KCNIP1: variants seen among roughly 807,000 people sequenced by gnomAD.
KCNIP1 encodes A-type potassium channel modulatory protein KCNIP1.
KCNIP1 carries 18 observed loss-of-function variants against 33.0 expected under a neutral mutation model. The ratio of observed to expected loss-of-function variants is 0.55; its 90% confidence interval spans 0.38 to 0.81. The LOEUF (loss-of-function observed/expected upper bound fraction) is 0.81, where lower values mean the gene tolerates loss of function less well. Among genes scored for constraint, KCNIP1 ranks in the 30% least tolerant of loss-of-function variants. KCNIP1 has a pLI of 0.00. For missense variants in KCNIP1, 238 were observed against 271.6 expected, an observed-to-expected ratio of 0.88 and a Z score of 0.87; for synonymous variants, 93 against 98.3, an observed-to-expected ratio of 0.95 and a Z score of 0.32.
chr5:170,454,867 G>A (rs1286637926), intron 1 of KCNIP1, among the ~76,000 whole-genome samples: 1 of 151,856 alleles, frequency 6.6e-6, no homozygotes, highest in Non-Finnish European at 1.5e-5. Context: ...GTTCAATGAA[G>A]GTTAAAAAAA....
At chr5:170,671,909 A>G (rs575280214) in intron 1 of KCNIP1, among the ~76,000 whole-genome samples, 2 of 152,334 alleles carry the variant, frequency 1.3e-5, no homozygotes, top group East Asian at 3.9e-4. Flanking sequence ...CAAGCAGTTC[A>G]CAATGTAACA....
At chr5:170,615,942 T>C (rs1389327400) in intron 1 of KCNIP1, among the ~76,000 whole-genome samples, 1 of 152,138 alleles carries the variant, frequency 6.6e-6, no homozygotes. Context: ...TTATTTTTCC[T>C]CCAGAAAGGC....
At chr5:170,372,684 G>C (rs1763877492) in intron 1 of KCNIP1, among the ~76,000 whole-genome samples, 1 of 152,176 alleles carries the variant, frequency 6.6e-6, no homozygotes. Context: ...AAGTGGAGAA[G>C]CACTAGATGA....
Position 170,366,341 on chromosome 5 carries a change from G to A in KCNIP1, c.88+12377G>A, listed in dbSNP as rs115372470. ...GGAGGAGGCCTCAGACCTGGATGTC[G>A]TGGCAGTCACTGCACCCTGGGTCAG... On this transcript the variant is annotated intron_variant, in intron 1 of 7. Coordinates refer to the KCNIP1 transcript ENST00000377360. Among the ~76,000 whole-genome samples the A allele has an allele frequency of 5.6e-3, 860 of 152,328 alleles. 6 individuals are homozygous for A. Among genetic ancestry groups the A allele is most frequent in the African/African-American group, 0.019 (802 of 41,572 alleles).
At chr5:170,564,568 T>G (rs1229199752) in intron 1 of KCNIP1, among the ~76,000 whole-genome samples, 1 of 152,134 alleles carries the variant, frequency 6.6e-6, no homozygotes, top group East Asian at 1.9e-4. Flanking sequence ...TGAACCACAC[T>G]TTCTCCAGGG....
intron 1 of KCNIP1, among the ~76,000 whole-genome samples, chr5:170,677,150 G>A (rs1490553574): frequency 2.0e-5 from 3 of 152,078 alleles, no homozygotes; most frequent in Admixed American, 1.3e-4. Flanking sequence ...TTCTTTCTAT[G>A]CATAATTACT....
intron 1 of KCNIP1, among the ~76,000 whole-genome samples, chr5:170,561,933 A>G (rs1757047161): frequency 6.6e-6 from 1 of 152,214 alleles, no homozygotes. Context: ...CCCCCAGTTA[A>G]TCCATCATAA....
At chr5:170,616,042 G>C (rs1307751439) in intron 1 of KCNIP1, among the ~76,000 whole-genome samples, 2 of 152,194 alleles carry the variant, frequency 1.3e-5, no homozygotes. Context: ...GAAATGTCAT[G>C]TCTACTTGAT....
intron 1 of KCNIP1, among the ~76,000 whole-genome samples, chr5:170,651,673 G>A (rs896825041): frequency 3.5e-4 from 53 of 152,128 alleles, no homozygotes; most frequent in African/African-American, 1.2e-3. Context: ...ATTTGCTTCC[G>A]TAAAAAAACA....
At chr5:170,400,699 TG>T (rs1754881463) in intron 1 of KCNIP1, among the ~76,000 whole-genome samples, 1 of 152,214 alleles carries the variant, frequency 6.6e-6, no homozygotes, top group Non-Finnish European at 1.5e-5. Context: ...ATTTTATAGA[TG>T]GGGACACTGA....
intron 1 of KCNIP1, among the ~76,000 whole-genome samples, chr5:170,443,820 C>CG (rs1383852981): frequency 1.3e-5 from 2 of 152,010 alleles, no homozygotes; most frequent in Admixed American, 6.6e-5. Flanking sequence ...GGGCAGCAGG[C>CG]GGGGGGTGCC....
chr5:170,696,168 C>A (rs545382783), intron 1 of KCNIP1, among the ~76,000 whole-genome samples: 2 of 152,292 alleles, frequency 1.3e-5, no homozygotes, highest in East Asian at 3.9e-4. Context: ...TTAAAAGAGG[C>A]TCCTTCTGGT....
At chr5:170,511,615 TG>T (rs1171607061) in intron 1 of KCNIP1, among the ~76,000 whole-genome samples, 14 of 152,374 alleles carry the variant, frequency 9.2e-5, no homozygotes, top group African/African-American at 3.4e-4. Context: ...CTAGCTCAAA[TG>T]ACTCTGGCCT....
chr5:170,375,965 A>G (rs1763985227), intron 1 of KCNIP1: 1 of 152,186 alleles, frequency 6.6e-6, no homozygotes, highest in Non-Finnish European at 1.5e-5. Context: ...TCCCAAGTCC[A>G]CATACTTAGC....
intron 1 of KCNIP1, among the ~76,000 whole-genome samples, chr5:170,623,512 C>G (rs1021170147): frequency 1.3e-5 from 2 of 151,654 alleles, no homozygotes; most frequent in Admixed American, 6.6e-5. Context: ...ACGACCTGCC[C>G]GGGGACCCCT....
chr5:170,588,297 C>T (rs74880203), intron 1 of KCNIP1, among the ~76,000 whole-genome samples: 13,165 of 152,174 alleles, frequency 0.087, 638 homozygotes, highest in South Asian at 0.12. Context: ...CACCTGAGGC[C>T]ACACAGTCAG....
At chr5:170,411,673 T>C (rs916023230) in intron 1 of KCNIP1, among the ~76,000 whole-genome samples, 1 of 152,130 alleles carries the variant, frequency 6.6e-6, no homozygotes, top group African/African-American at 2.4e-5. Flanking sequence ...AATAAGCAAC[T>C]CCAAGGTGCC....
intron 1 of KCNIP1, among the ~76,000 whole-genome samples, chr5:170,535,077 G>C (rs919346052): frequency 3.3e-5 from 5 of 152,206 alleles, no homozygotes; most frequent in Admixed American, 2.0e-4. Flanking sequence ...CAGCCAGTGG[G>C]CACAGCAGGG....
chr5:170,698,144 G>A (rs1381078927), intron 1 of KCNIP1, among the ~76,000 whole-genome samples: 2 of 152,148 alleles, frequency 1.3e-5, no homozygotes, highest in African/African-American at 4.8e-5. Flanking sequence ...CCAGAAAACC[G>A]CCATGTGGTA....
Sources: allele counts gnomAD v4.1 joint callset (sites outside exome capture counted in the v4.1 genomes callset), GRCh38; gene constraint gnomAD v4.1.1; transcripts MANE v1.5; gene names NCBI Gene and HGNC (gene_info 2026-07-23, HGNC 2026-07-21).